The following TUSC3 variants were observed in gnomAD, a reference collection of about 807,000 sequenced individuals.
TUSC3 encodes tumor suppressor candidate 3, also known as dolichyl-diphosphooligosaccharide--protein glycosyltransferase subunit TUSC3.
In TUSC3, 45 loss-of-function variants were observed where a neutral mutation model predicts 44.8. The observed-to-expected ratio is 1.00, with a 90% CI of 0.79 to 1.29. The LOEUF is 1.29. Among genes scored for constraint, TUSC3 ranks in the 50% most tolerant of loss-of-function variants. TUSC3 has a pLI of 0.00. For missense variants in TUSC3, 519 were observed against 437.9 expected (o/e 1.19, Z -1.65); for synonymous variants, 212 against 152.9 (o/e 1.39, Z -2.85).
chr8:15,836,001 T>C, the TUSC3 span, among the ~76,000 whole-genome samples: 3 of 152,278 alleles, frequency 2.0e-5, no homozygotes, highest in South Asian at 4.1e-4. Flanking sequence ...TTCCACTCTT[T>C]AGCTATATAA....
chr8:15,593,319 C>T (rs1563123378), intron 1 of TUSC3, among the ~76,000 whole-genome samples: 2 of 152,124 alleles, frequency 1.3e-5, no homozygotes, highest in Non-Finnish European at 2.9e-5. Flanking sequence ...CTCCTGACCT[C>T]AGGTGATCCG....
intron 1 of TUSC3, among the ~76,000 whole-genome samples, chr8:15,461,683 CT>C (rs970753057): frequency 2.7e-5 from 4 of 150,884 alleles, no homozygotes; most frequent in African/African-American, 9.8e-5. Context: ...TCATAGATGG[CT>C]TTTATTACAT....
intron 1 of TUSC3, among the ~76,000 whole-genome samples, chr8:15,545,922 C>G (rs1415888572): frequency 1.3e-5 from 2 of 151,704 alleles, no homozygotes; most frequent in Non-Finnish European, 2.9e-5. Flanking sequence ...TATCAGATAT[C>G]TCTGATATTT....
chr8:15,650,592 T>C, intron 2 of TUSC3, 105 bp from the exon 3 acceptor site: 1 of 884,276 alleles, frequency 1.1e-6, no homozygotes, highest in Non-Finnish European at 1.9e-6. Flanking sequence ...TTACAGTCTG[T>C]ACAAAAACTG....
chr8:15,636,031 G>A (rs562240203), intron 2 of TUSC3, among the ~76,000 whole-genome samples: 6 of 152,258 alleles, frequency 3.9e-5, no homozygotes, highest in African/African-American at 1.2e-4. Context: ...ATATGGTTAG[G>A]CCAGTGGCAA....
chr8:15,827,563 G>A, the TUSC3 span, among the ~76,000 whole-genome samples: 1 of 152,038 alleles, frequency 6.6e-6, no homozygotes, highest in Non-Finnish European at 1.5e-5. Context: ...TAAGATGATA[G>A]GCTTTCACCT....
At position 15,642,950 on chromosome 8, in the gene TUSC3, C is replaced by A. The variant is rs142720164; in HGVS notation, c.309-7747C>A. On this transcript the variant is annotated intron_variant, in intron 2 of 10. Coordinates refer to ENST00000503731, the MANE Select transcript of TUSC3 (RefSeq NM_006765.4). ...ACAAATATTAAATACATATTATAATCATATGTAGTAGGTAAATGATACGGC... is the reference window on the plus strand; with the variant it reads ...ACAAATATTAAATACATATTATAATAATATGTAGTAGGTAAATGATACGGC... Among the ~76,000 whole-genome samples the A allele has an allele frequency of 9.7e-4, 147 of 152,174 alleles. No homozygotes were observed. The East Asian group carries it at 0.025, about 26-fold the overall frequency.
At chr8:15,628,912 G>A (rs1343668536) in intron 2 of TUSC3, among the ~76,000 whole-genome samples, 1 of 152,200 alleles carries the variant, frequency 6.6e-6, no homozygotes, top group East Asian at 1.9e-4. Flanking sequence ...TGGGAAATAT[G>A]TAGCTATGGT....
At chr8:15,473,634 C>G (rs1426867618) in intron 1 of TUSC3, among the ~76,000 whole-genome samples, 1 of 152,116 alleles carries the variant, frequency 6.6e-6, no homozygotes. Context: ...CATCATATAT[C>G]GGCAGGACCG....
intron 1 of TUSC3, among the ~76,000 whole-genome samples, chr8:15,566,758 G>C (rs1802693043): frequency 6.6e-6 from 1 of 151,840 alleles, no homozygotes. Context: ...TAAGTAGCTG[G>C]GATTATAGGC....
intron 10 of TUSC3, among the ~76,000 whole-genome samples, chr8:15,759,055 C>G (rs1352939872): frequency 6.6e-6 from 1 of 152,132 alleles, no homozygotes; most frequent in African/African-American, 2.4e-5. Context: ...GTACTTCTCG[C>G]TAGCATTCTC....
intron 2 of TUSC3, among the ~76,000 whole-genome samples, chr8:15,490,194 C>T (rs1800788659): frequency 6.6e-6 from 1 of 152,086 alleles, no homozygotes; most frequent in African/African-American, 2.4e-5. Flanking sequence ...TAATCCTAAA[C>T]ATTAGGACCA....
chr8:15,648,868 C>G (rs1207801463), intron 2 of TUSC3, among the ~76,000 whole-genome samples: 3 of 151,162 alleles, frequency 2.0e-5, no homozygotes, highest in Non-Finnish European at 4.4e-5. Flanking sequence ...TGCAGGAGTC[C>G]ATGAAGAGCC....
the TUSC3 span, among the ~76,000 whole-genome samples, chr8:15,791,510 T>A: frequency 6.6e-6 from 1 of 152,132 alleles, no homozygotes; most frequent in Non-Finnish European, 1.5e-5. Flanking sequence ...CAGTTTCTGC[T>A]TGGATGACAA....
intron 1 of TUSC3, among the ~76,000 whole-genome samples, chr8:15,438,552 G>A (rs898887237): frequency 1.3e-5 from 2 of 152,134 alleles, no homozygotes; most frequent in African/African-American, 2.4e-5. Context: ...GTGCTCCTGT[G>A]AAACACTGAA....
the TUSC3 span, among the ~76,000 whole-genome samples, chr8:15,837,014 G>A: frequency 3.9e-5 from 6 of 152,012 alleles, no homozygotes; most frequent in Admixed American, 6.6e-5. Context: ...AATAAGGTAG[G>A]TCTGATTTTT....
At chr8:15,424,741 G>A (rs576389272) in intron 1 of TUSC3, among the ~76,000 whole-genome samples, 41 of 152,208 alleles carry the variant, frequency 2.7e-4, no homozygotes, top group Middle Eastern at 3.4e-3. Context: ...TTAGCCAGGC[G>A]TGGTGGCACA....
At chr8:15,459,832 TTGTGTGTGTGTGTGTGTGTGTGTA>T (rs1336447706) in intron 1 of TUSC3, among the ~76,000 whole-genome samples, 4 of 148,540 alleles carry the variant, frequency 2.7e-5, no homozygotes, top group African/African-American at 7.4e-5. Context: ...AGTATTCCAT[TTGTGTGTGTGTGTGTGTGTGTGTA>T]TGTGTGTGTG....
downstream of TUSC3, among the ~76,000 whole-genome samples, chr8:15,771,132 G>A (rs994417391): frequency 2.6e-5 from 4 of 152,148 alleles, no homozygotes; most frequent in African/African-American, 9.7e-5. Context: ...CATCGGCCAA[G>A]AATTCTGTAC....
Sources: allele counts gnomAD v4.1 joint callset (sites outside exome capture counted in the v4.1 genomes callset), GRCh38; gene constraint gnomAD v4.1.1; transcripts MANE v1.5; gene names NCBI Gene and HGNC (gene_info 2026-07-23, HGNC 2026-07-21).